Variants in ARFGEF3 observed in about 807,000 individuals in gnomAD.
The protein encoded by ARFGEF3 is brefeldin A-inhibited guanine nucleotide-exchange protein 3.
ARFGEF3 carries 96 observed loss-of-function variants against 221.7 expected under a neutral mutation model. The ratio of observed to expected loss-of-function variants is 0.43; its 90% confidence interval spans 0.37 to 0.51. The LOEUF (loss-of-function observed/expected upper bound fraction) is 0.51. Among genes scored for constraint, ARFGEF3 ranks in the 20% least tolerant of loss-of-function variants. The pLI is 0.00. For synonymous variants in ARFGEF3, 1,145 were observed against 1,126.8 expected (o/e 1.02, Z -0.32); for missense variants, 2,410 against 2,789.9 (o/e 0.86, Z 3.07).
At chr6:138,204,091 C>T (rs1040817145) in intron 2 of ARFGEF3, among the ~76,000 whole-genome samples, 4 of 151,774 alleles carry the variant, frequency 2.6e-5, no homozygotes, top group African/African-American at 4.8e-5. Context: ...ATAATCCCAG[C>T]GCTTTGGGAG....
chr6:138,298,838 G>A, intron 22 of ARFGEF3, 53 bp downstream of exon 22: 1 of 1,382,446 alleles, frequency 7.2e-7, no homozygotes, highest in Admixed American at 1.9e-5. Flanking sequence ...GAGTGCAGTG[G>A]CAGGCACGGT....
intron 2 of ARFGEF3, among the ~76,000 whole-genome samples, chr6:138,194,268 CA>C (rs11349885): frequency 0.15 from 13,980 of 92,934 alleles, 874 homozygotes; most frequent in East Asian, 0.44. Context: ...ACTCCGTCTC[CA>C]AAAAAAAAAA....
At chr6:138,325,997 C>G (rs1464009878) in intron 31 of ARFGEF3, among the ~76,000 whole-genome samples, 3 of 152,114 alleles carry the variant, frequency 2.0e-5, no homozygotes, top group African/African-American at 7.2e-5. Context: ...GCTGGGATTA[C>G]AGGTGTGCAC....
rs145365024 is a variant in ARFGEF3 at position 138,162,617 on chromosome 6, A to C, written c.85+446A>C. ...AGGCTTGTTTAATTTGATTTTCCTGATAGAGGTCAGCTTGCTTAGTGTTAG... is the reference window on the plus strand; with the variant it reads ...AGGCTTGTTTAATTTGATTTTCCTGCTAGAGGTCAGCTTGCTTAGTGTTAG... On this transcript the variant is annotated intron_variant, in intron 1 of 33. Coordinates refer to ENST00000251691, the MANE Select transcript of ARFGEF3 (RefSeq NM_020340.5). This position sits in a 1 kb window ranked among gnomAD's most constrained non-coding sequence, Gnocchi z 4.7. 3.1e-3 allele frequency among the ~76,000 whole-genome samples: 465 copies of C among 152,328 alleles called. 3 individuals carry two copies. Among genetic ancestry groups the C allele is most frequent in the East Asian group, 8.3e-3 (43 of 5,182 alleles).
intron 18 of ARFGEF3, among the ~76,000 whole-genome samples, chr6:138,290,781 C>T (rs1205312202): frequency 6.6e-6 from 1 of 152,196 alleles, no homozygotes; most frequent in African/African-American, 2.4e-5. Flanking sequence ...GCAAGAGTGG[C>T]CAGGGCAATG....
intron 14 of ARFGEF3, among the ~76,000 whole-genome samples, chr6:138,284,091 G>T (rs1359050079): frequency 1.3e-5 from 2 of 152,166 alleles, no homozygotes; most frequent in Non-Finnish European, 1.5e-5. Flanking sequence ...GATCACTTAA[G>T]GTCAGGAGTT....
intron 4 of ARFGEF3, chr6:138,217,006 C>A (rs1777877900): frequency 6.6e-6 from 1 of 152,166 alleles, no homozygotes; most frequent in Admixed American, 6.5e-5. Context: ...TCCCATCTTT[C>A]TTTACCCTTT....
chr6:138,199,254 C>T (rs1777489144), intron 2 of ARFGEF3, among the ~76,000 whole-genome samples: 2 of 152,140 alleles, frequency 1.3e-5, no homozygotes. Context: ...TAGCATGTTA[C>T]TTTGTAAGCC....
intron 12 of ARFGEF3, among the ~76,000 whole-genome samples, chr6:138,264,939 T>C (rs1338495662): frequency 6.6e-6 from 1 of 150,854 alleles, no homozygotes; most frequent in Admixed American, 6.6e-5. Context: ...AGTCTCACTC[T>C]GTCACCCAGG....
At chr6:138,228,088 G>A (rs1385360179) in intron 4 of ARFGEF3, among the ~76,000 whole-genome samples, 1 of 151,662 alleles carries the variant, frequency 6.6e-6, no homozygotes, top group African/African-American at 2.4e-5. Context: ...AGATTGTCAT[G>A]AAACAAAAGA....
intron 5 of ARFGEF3, among the ~76,000 whole-genome samples, chr6:138,237,689 G>T (rs563528141): frequency 5.3e-5 from 8 of 152,164 alleles, no homozygotes; most frequent in African/African-American, 1.7e-4. Context: ...TATTCCTGGG[G>T]TTCCTCACAG....
intron 2 of ARFGEF3, among the ~76,000 whole-genome samples, chr6:138,178,649 T>C (rs921613625): frequency 6.6e-6 from 1 of 152,212 alleles, no homozygotes. Context: ...CATCTTTGTA[T>C]CTCTTATGTC....
At chr6:138,175,452 G>A (rs1776921267) in intron 2 of ARFGEF3, among the ~76,000 whole-genome samples, 2 of 152,080 alleles carry the variant, frequency 1.3e-5, no homozygotes, top group African/African-American at 4.8e-5. Context: ...ATGAATTAGT[G>A]GGCTACTCAG....
intron 1 of ARFGEF3, among the ~76,000 whole-genome samples, chr6:138,165,770 CTG>C (rs1156458987): frequency 2.0e-5 from 3 of 152,226 alleles, no homozygotes; most frequent in African/African-American, 7.2e-5. Flanking sequence ...TCATCCGACT[CTG>C]AGACCCTCAA....
chr6:138,219,680 C>T (rs1777941776), intron 4 of ARFGEF3, among the ~76,000 whole-genome samples: 1 of 152,120 alleles, frequency 6.6e-6, no homozygotes, highest in South Asian at 2.1e-4. Flanking sequence ...CTGCAGGACT[C>T]ACAGCCAGAG....
chr6:138,267,769 A>T (rs1032906461), intron 12 of ARFGEF3, among the ~76,000 whole-genome samples: 1 of 152,248 alleles, frequency 6.6e-6, no homozygotes, highest in Non-Finnish European at 1.5e-5. Context: ...TAAATGTTGC[A>T]GACTGCCCAA....
Position 138,337,051 on chromosome 6 carries a change from C to T in ARFGEF3, c.*565C>T, listed in dbSNP as rs531630976. On this transcript the variant is annotated 3_prime_UTR_variant, in exon 34 of 34. Transcript: ENST00000251691. ...GAGGTGACTTCTGTTGTAAAATAAT[C>T]CAGAACACTTCAAAATTATTCCTAA... 2.0e-5 allele frequency: 3 copies of T among 152,578 alleles called. No homozygotes were observed. Among genetic ancestry groups the T allele is most frequent in the Non-Finnish European group, 2.9e-5 (2 of 68,036 alleles). The allele number at this position is 152,578 out of a possible 1,614,324, so 9.5% of individuals were successfully genotyped here. A position where few individuals can be genotyped will look rare whatever the true frequency, so the allele number is the denominator to read the frequency against.
At chr6:138,164,819 A>G (rs1000563528) in intron 1 of ARFGEF3, among the ~76,000 whole-genome samples, 1 of 152,178 alleles carries the variant, frequency 6.6e-6, no homozygotes, top group South Asian at 2.1e-4. Context: ...AGACCATCTC[A>G]TGAAAAGAGG....
At chr6:138,244,746 A>G (rs979787988) in intron 7 of ARFGEF3, among the ~76,000 whole-genome samples, 1 of 152,192 alleles carries the variant, frequency 6.6e-6, no homozygotes, top group Non-Finnish European at 1.5e-5. Context: ...CTGATTTCTT[A>G]GTTCCAAAGC....
Sources: allele counts gnomAD v4.1 joint callset (sites outside exome capture counted in the v4.1 genomes callset), GRCh38; gene constraint gnomAD v4.1.1; non-coding constraint Gnocchi (gnomAD v3.1); transcripts MANE v1.5; gene names NCBI Gene and HGNC (gene_info 2026-07-23, HGNC 2026-07-21).